The following MCPH1 variants were observed in gnomAD, a reference collection of about 807,000 sequenced individuals.
The protein encoded by MCPH1 is microcephalin.
Under a neutral mutation model 84.5 loss-of-function variants are expected in MCPH1, and 104 were observed. The ratio of observed to expected loss-of-function variants is 1.23; its 90% confidence interval spans 1.05 to 1.45. MCPH1 has a LOEUF of 1.45. Ranked by LOEUF, MCPH1 falls within the 40% of genes most tolerant of loss-of-function variation. The pLI, the probability that MCPH1 is intolerant of heterozygous loss-of-function variation, is 0.00. For missense variants in MCPH1, 1,498 were observed against 1,005.7 expected, an observed-to-expected ratio of 1.49 and a Z score of -6.62; for synonymous variants, 514 against 366.8, an observed-to-expected ratio of 1.40 and a Z score of -4.58.
chr8:6,530,699 G>C (rs1226819110), intron 12 of MCPH1, among the ~76,000 whole-genome samples: 1 of 152,044 alleles, frequency 6.6e-6, no homozygotes, highest in African/African-American at 2.4e-5. Context: ...TTCTTGAACT[G>C]TTGTGATATT....
chr8:6,487,451 G>C lies in MCPH1; in HGVS notation c.2136+6575G>C, dbSNP rs2442486. On this transcript the variant is annotated intron_variant, in intron 11 of 13. Coordinates refer to ENST00000344683, the MANE Select transcript of MCPH1 (RefSeq NM_024596.5). The stretch of plus-strand genomic sequence containing the variant: ...GCTCTCCTAAAATTATAACTCATGG[G>C]AGAACCAGAACTGGAATCTCAGCTT... 2.9e-3 allele frequency among the ~76,000 whole-genome samples: 447 copies of C among 152,308 alleles called. 4 individuals carry two copies. The highest frequency in any genetic ancestry group is 3.1e-3 in the Non-Finnish European group (210 of 68,032).
chr8:6,434,930 C>T (rs1428948646), intron 4 of MCPH1, among the ~76,000 whole-genome samples: 3 of 152,080 alleles, frequency 2.0e-5, no homozygotes, highest in African/African-American at 7.2e-5. Context: ...GTGCTGATGG[C>T]TGGGCTAAAG....
intron 12 of MCPH1, among the ~76,000 whole-genome samples, chr8:6,514,007 A>C (rs1444916282): frequency 2.0e-5 from 3 of 152,202 alleles, no homozygotes; most frequent in Non-Finnish European, 4.4e-5. Flanking sequence ...TGGATTTTAA[A>C]TAGGTCAGTT....
intron 12 of MCPH1, among the ~76,000 whole-genome samples, chr8:6,550,525 T>C (rs1227114493): frequency 1.3e-5 from 2 of 152,188 alleles, no homozygotes; most frequent in Admixed American, 6.5e-5. Context: ...CTGCTCACCA[T>C]TTCCCAGATT....
At chr8:6,430,597 G>C (rs1303244441) in intron 3 of MCPH1, among the ~76,000 whole-genome samples, 1 of 152,156 alleles carries the variant, frequency 6.6e-6, no homozygotes, top group African/African-American at 2.4e-5. Context: ...TATCAATATG[G>C]ATATGTGTTT....
intron 12 of MCPH1, chr8:6,532,550 T>A: frequency 1.7e-6 from 2 of 1,208,872 alleles, no homozygotes; most frequent in Non-Finnish European, 2.2e-6. Context: ...GATTCCTAAA[T>A]GTTTGTCGTC....
chr8:6,504,501 C>G (rs1044632636), intron 12 of MCPH1, among the ~76,000 whole-genome samples: 13 of 151,918 alleles, frequency 8.6e-5, no homozygotes, highest in Admixed American at 7.9e-4. Flanking sequence ...GTTATTAGAT[C>G]GATTGTCACA....
intron 12 of MCPH1, chr8:6,618,987 G>T (rs1274572400): frequency 6.6e-6 from 1 of 152,282 alleles, no homozygotes; most frequent in East Asian, 1.9e-4. Context: ...TTTCTGCTTT[G>T]CATCTGTTTA....
At chr8:6,630,644 G>C (rs1380162196) in intron 13 of MCPH1, among the ~76,000 whole-genome samples, 6 of 152,084 alleles carry the variant, frequency 3.9e-5, no homozygotes, top group Middle Eastern at 3.4e-3. Context: ...AGCCAGGCAT[G>C]ATGGGGCATG....
chr8:6,595,116 C>A (rs1398856102), intron 12 of MCPH1, among the ~76,000 whole-genome samples: 1 of 152,182 alleles, frequency 6.6e-6, no homozygotes, highest in Non-Finnish European at 1.5e-5. Flanking sequence ...CCTCGCTCCC[C>A]TATCAGTAAA....
At chr8:6,469,222 C>G (rs1320501160) in intron 9 of MCPH1, among the ~76,000 whole-genome samples, 2 of 151,884 alleles carry the variant, frequency 1.3e-5, no homozygotes, top group African/African-American at 4.8e-5. Context: ...TCTCAATTTT[C>G]TACACTGAAC....
rs747126452 is a variant in MCPH1, at chr8:6,644,515, T to A, written c.*1466T>A. 1 of 152,130 alleles carries A rather than the reference T, an allele frequency of 6.6e-6. No individual in the cohort carries two copies. The highest frequency in any genetic ancestry group is 1.9e-4 in the East Asian group (1 of 5,184). The allele number at this position is 152,130 out of a possible 1,614,324, so 9.4% of individuals were successfully genotyped here. ...GTAAAGTTTCAGGATAGTAAATCCA[T>A]GTACAAAAATCAGCATTTCCAAACA... On this transcript the variant is annotated 3_prime_UTR_variant, in exon 14 of 14. Transcript: ENST00000344683.
chr8:6,502,292 C>T (rs958376173), intron 12 of MCPH1: 4 of 152,012 alleles, frequency 2.6e-5, no homozygotes, highest in Non-Finnish European at 4.4e-5. Flanking sequence ...TAAACATAGG[C>T]ATATCCCCTA....
At chr8:6,432,857 T>G (rs953150480) in intron 4 of MCPH1, among the ~76,000 whole-genome samples, 1 of 152,262 alleles carries the variant, frequency 6.6e-6, no homozygotes. Flanking sequence ...CAAGTGTTTA[T>G]TGTAAAAACA....
At position 6,645,771 on chromosome 8, in the gene MCPH1, A is replaced by C. The variant is rs1446561804; in HGVS notation, c.*2722A>C. ...AAAATGAAATTAAGACCACGATTCC[A>C]TTTAAAATTGCATCTAAAAATAAAC... On this transcript the variant is annotated 3_prime_UTR_variant, in exon 14 of 14. Transcript: ENST00000344683. 2.0e-5 allele frequency: 3 copies of C among 152,300 alleles called. No homozygotes were observed. Among genetic ancestry groups the C allele is most frequent in the African/African-American group, 7.2e-5 (3 of 41,576 alleles). 9.4% of individuals were successfully genotyped at this position (152,300 alleles called of 1,614,324 possible).
chr8:6,430,199 C>T (rs1288153026), intron 3 of MCPH1, among the ~76,000 whole-genome samples: 5 of 152,314 alleles, frequency 3.3e-5, no homozygotes, highest in South Asian at 2.1e-4. Context: ...GGTTGTACTT[C>T]TCTTGTTACA....
intron 13 of MCPH1, among the ~76,000 whole-genome samples, chr8:6,624,715 A>G (rs1347019306): frequency 6.6e-6 from 1 of 152,098 alleles, no homozygotes; most frequent in African/African-American, 2.4e-5. Flanking sequence ...TTGAATTCCA[A>G]TCTGGTAGCT....
chr8:6,441,964 T>A, intron 6 of MCPH1, 103 bp from the exon 7 acceptor site: 1 of 789,878 alleles, frequency 1.3e-6, no homozygotes, highest in Non-Finnish European at 2.2e-6. Context: ...GATTATAGGA[T>A]TTAATAGAAT....
At chr8:6,531,294 T>TTTCTTTC (rs11385953) in intron 12 of MCPH1, among the ~76,000 whole-genome samples, 4 of 122,988 alleles carry the variant, frequency 3.3e-5, no homozygotes, top group South Asian at 2.4e-4. Context: ...TCTTTCTTTC[T>TTTCTTTC]TTTTTTTTTT....
Sources: gnomAD v4.1 joint callset for allele counts (sites outside exome capture counted in the v4.1 genomes callset) on GRCh38, gnomAD v4.1.1 for gene constraint, MANE v1.5 for transcripts, NCBI Gene and HGNC (gene_info 2026-07-23, HGNC 2026-07-21) for gene names.